The following DCTN4 variants were observed in gnomAD, a reference collection of about 807,000 sequenced individuals.
The protein encoded by DCTN4 is dynactin 4 (p62).
A neutral mutation model predicts 62.7 loss-of-function variants in DCTN4; 23 were observed. The observed-to-expected ratio is 0.37, with a 90% confidence interval of 0.26 to 0.52. DCTN4 has a LOEUF of 0.52. Ranked by LOEUF, DCTN4 falls within the 20% of genes least tolerant of loss-of-function variation. DCTN4 has a pLI of 0.92. For missense variants in DCTN4, 514 were observed against 580.4 expected (o/e 0.89, Z 1.18); for synonymous variants, 199 against 202.1 (o/e 0.98, Z 0.13).
rs1759547099 is a variant in DCTN4 at position 150,711,172 on chromosome 5, T to C, written c.1360A>G (p.Ser454Gly). Reference protein sequence around the residue: ...VIWLTQHVELSLGPLLP With the variant: ...VIWLTQHVELGLGPLLP ...TTTTAAGGAAGAAGTGGGCCCAAGC[T>C]AAGTTCCACATGCTGGGTGAGCCAG... Residue 454 changes from serine (S) to glycine (G), a missense_variant, in exon 13 of 13, where the codon AGC becomes GGC. By Grantham distance (56) the Ser-to-Gly change is moderately conservative (BLOSUM62 0). Coordinates refer to ENST00000447998, the MANE Select transcript of DCTN4 (RefSeq NM_016221.4). The C allele has an allele frequency of 1.2e-6, 2 of 1,612,384 alleles. No homozygotes were observed.
At chr5:150,716,262 A>AT (rs1027825347) in intron 11 of DCTN4, among the ~76,000 whole-genome samples, 66 of 151,212 alleles carry the variant, frequency 4.4e-4, no homozygotes, top group African/African-American at 6.3e-4. Context: ...ATTATTCCTC[A>AT]TTTTTTTTTG....
In DCTN4 at chr5:150,719,804, T is replaced by C. The variant is rs149956069; in HGVS notation, c.909-34A>G. The C allele has an allele frequency of 4.1e-4, 548 of 1,339,930 alleles. 1 individual carries two copies. In the African/African-American group the frequency reaches 6.5e-3, roughly 16 times the overall value. The allele number at this position is 1,339,930 out of a possible 1,614,324, so 83.0% of individuals were successfully genotyped here. A position where few individuals can be genotyped will look rare whatever the true frequency, so the allele number is the denominator to read the frequency against. ...AAATAAAAAAATGCATTAATGTTCA[T>C]TGGAGTCTCTTAAAATTATTATTAT... On this transcript the variant is annotated intron_variant, in intron 9 of 12. Coordinates refer to ENST00000447998, the MANE Select transcript of DCTN4 (RefSeq NM_016221.4).
intron 8 of DCTN4, among the ~76,000 whole-genome samples, chr5:150,727,792 A>C (rs954798888): frequency 1.1e-4 from 16 of 149,672 alleles, no homozygotes; most frequent in Non-Finnish European, 1.9e-4. Flanking sequence ...AAAAAAAAAA[A>C]AAAAACAAAA....
chr5:150,717,313 G>A (rs1177181820), intron 11 of DCTN4, among the ~76,000 whole-genome samples: 1 of 152,130 alleles, frequency 6.6e-6, no homozygotes, highest in African/African-American at 2.4e-5. Context: ...GCAGTGGCGC[G>A]ATCTCAGCTC....
chr5:150,716,165 A>C (rs1444343706), intron 11 of DCTN4, among the ~76,000 whole-genome samples: 2 of 152,162 alleles, frequency 1.3e-5, no homozygotes, highest in Non-Finnish European at 2.9e-5. Context: ...CGGCCTCCCA[A>C]ACTGTTGGGA....
At position 150,753,546 on chromosome 5, in the gene DCTN4, G is replaced by C; in HGVS notation, c.318C>G (p.Ala106=). Residue 106 remains alanine (A), a synonymous_variant, in exon 3 of 13, where the codon GCC becomes GCG. Coordinates refer to ENST00000447998, the MANE Select transcript of DCTN4 (RefSeq NM_016221.4). ...DDPAKTTMKK[A]YYLACGFCRW... is the part of the protein sequence containing the mutation. The stretch of plus-strand genomic sequence containing the variant: ...GACAAAATCCACATGCCAGGTAATA[G>C]GCTTTCTTCATGGTGGTCTTGGCTG... 3 of 1,614,176 alleles carry C rather than the reference G, an allele frequency of 1.9e-6. No homozygotes were observed. Among genetic ancestry groups the C allele is most frequent in the Non-Finnish European group, 2.5e-6 (3 of 1,180,026 alleles).
At chr5:150,717,411 G>A (rs191174424) in intron 11 of DCTN4, among the ~76,000 whole-genome samples, 4 of 152,194 alleles carry the variant, frequency 2.6e-5, no homozygotes, top group African/African-American at 4.8e-5. Flanking sequence ...CATCATGCCC[G>A]GCTAATTTTT....
chr5:150,738,862 T>C (rs1232610783), intron 4 of DCTN4, among the ~76,000 whole-genome samples: 5 of 152,140 alleles, frequency 3.3e-5, no homozygotes, highest in Admixed American at 2.6e-4. Context: ...TAGAAAACCC[T>C]AGAGACTTAT....
Position 150,739,505 on chromosome 5 carries a change from C to T in DCTN4, c.429+2609G>A, listed in dbSNP as rs986554202. Reference sequence around the variant, plus strand: ...AATACTGTGAAAATGACCATACTGCCAAAGCAATCTGCAAATTCAATGCAA... The same window carrying T: ...AATACTGTGAAAATGACCATACTGCTAAAGCAATCTGCAAATTCAATGCAA... On this transcript the variant is annotated intron_variant, in intron 4 of 12. Transcript: ENST00000447998. Among the ~76,000 whole-genome samples the T allele has an allele frequency of 2.0e-5, 3 of 152,246 alleles. No individual in the cohort carries two copies. In the East Asian group the frequency reaches 5.8e-4, roughly 29 times the overall value.
intron 12 of DCTN4, 39 bp downstream of exon 12, chr5:150,715,526 A>G: frequency 6.6e-7 from 1 of 1,516,226 alleles, no homozygotes; most frequent in Non-Finnish European, 9.1e-7. Flanking sequence ...TTCTATTATC[A>G]GCCATTTGTT....
Position 150,730,370 on chromosome 5 carries a change from G to GT in DCTN4, c.834+260dup, listed in dbSNP as rs11375377. 8.3e-3 allele frequency among the ~76,000 whole-genome samples: 1,265 copies of GT among 152,264 alleles called. 16 individuals carry two copies. The highest frequency in any genetic ancestry group is 0.029 in the African/African-American group (1,212 of 41,546). ...ACACTCTTTCACTATTCTTTTAGGG[G>GT]TTAACCCTATGTACTTAACCTTCAG... On this transcript the variant is annotated intron_variant, in intron 8 of 12. Coordinates refer to ENST00000447998, the MANE Select transcript of DCTN4 (RefSeq NM_016221.4).
At chr5:150,734,589 T>C (rs1760507054) in intron 4 of DCTN4, 1 of 152,224 alleles carries the variant, frequency 6.6e-6, no homozygotes, top group South Asian at 2.1e-4. Context: ...GACAGAAACT[T>C]CCAGGTGAAC....
intron 6 of DCTN4, 81 bp downstream of exon 6, chr5:150,731,335 G>A (rs1760357708): frequency 8.4e-7 from 1 of 1,193,572 alleles, no homozygotes; most frequent in South Asian, 1.3e-5. Context: ...CTGTGTGTGT[G>A]TGTGTGTTTT....
rs866303066 is a variant in DCTN4 at position 150,711,181 on chromosome 5, C to T, written c.1351G>A (p.Val451Met). ...GTEVIWLTQH[V>M]ELSLGPLLP ...AGAAGTGGGCCCAAGCTAAGTTCCA[C>T]ATGCTGGGTGAGCCAGATGACTTCT... The change falls in exon 13 of 13, where the codon GTG becomes ATG. Residue 451 changes from valine to methionine, a missense_variant. By Grantham distance (21) the Val-to-Met change is conservative. Coordinates refer to ENST00000447998, the MANE Select transcript of DCTN4 (RefSeq NM_016221.4). The T allele has an allele frequency of 6.2e-7, 1 of 1,612,300 alleles. No individual in the cohort carries two copies. Among genetic ancestry groups the T allele is most frequent in the African/African-American group, 1.3e-5 (1 of 74,876 alleles).
At chr5:150,754,165 T>C (rs1211616019) in intron 2 of DCTN4, among the ~76,000 whole-genome samples, 1 of 152,236 alleles carries the variant, frequency 6.6e-6, no homozygotes, top group Non-Finnish European at 1.5e-5. Context: ...TGTTCTCTCC[T>C]TAAATGCTAC....
chr5:150,718,635 C>G (rs75338120), intron 10 of DCTN4, among the ~76,000 whole-genome samples: 1 of 152,030 alleles, frequency 6.6e-6, no homozygotes, highest in African/African-American at 2.4e-5. Flanking sequence ...GTTACTAGAT[C>G]CAGAAATTCT....
Position 150,729,042 on chromosome 5 carries a change from CTTTTTTTTTTTTTTTTT to C in DCTN4, c.834+1572_834+1588del, listed in dbSNP as rs61106544. ...ACAAGTGTGTGAACCACCACACTGG[CTTTTTTTTTTTTTTTTT>C]TTTTTTTTTTTTTTTGGTAGAGACA... is the stretch of plus-strand genomic sequence containing the variant. On this transcript the variant is annotated intron_variant, in intron 8 of 12. Transcript: ENST00000447998. Among the ~76,000 whole-genome samples, 16 of 52,146 alleles carry C rather than the reference CTTTTTTTTTTTTTTTTT, an allele frequency of 3.1e-4. No homozygotes were observed. In the East Asian group the frequency reaches 6.2e-3, roughly 20 times the overall value. The allele number at this position is 52,146 out of a possible 152,430, so 34.2% of individuals were successfully genotyped here.
intron 1 of DCTN4, among the ~76,000 whole-genome samples, chr5:150,757,316 C>T (rs1182327566): frequency 6.6e-6 from 1 of 152,168 alleles, no homozygotes; most frequent in Non-Finnish European, 1.5e-5. Context: ...TCAAAAAAGG[C>T]AAAATACAAG....
At chr5:150,734,799 G>T (rs1312533592) in intron 4 of DCTN4, among the ~76,000 whole-genome samples, 1 of 152,230 alleles carries the variant, frequency 6.6e-6, no homozygotes, top group African/African-American at 2.4e-5. Context: ...GCTGTTGGTG[G>T]GGCATGGTGG....
Sources: allele counts gnomAD v4.1 joint callset (sites outside exome capture counted in the v4.1 genomes callset), GRCh38; gene constraint gnomAD v4.1.1; transcripts MANE v1.5; gene names NCBI Gene and HGNC (gene_info 2026-07-23, HGNC 2026-07-21).